The following CALD1 variants were observed in gnomAD, a reference collection of about 807,000 sequenced individuals.
CALD1 encodes caldesmon.
A neutral mutation model predicts 99.9 loss-of-function variants in CALD1; 33 were observed. That is an observed-to-expected ratio of 0.33 (90% CI 0.25 to 0.44). The LOEUF is 0.44. Ranked by LOEUF, CALD1 falls within the 20% of genes least tolerant of loss-of-function variation. CALD1 has a pLI of 1.00. For synonymous variants in CALD1, 310 were observed against 325.0 expected (o/e 0.95, Z 0.50); for missense variants, 861 against 962.1 (o/e 0.89, Z 1.39).
chr7:134,849,352 G>A (rs1207685036), intron 2 of CALD1, among the ~76,000 whole-genome samples: 1 of 152,208 alleles, frequency 6.6e-6, no homozygotes, highest in Non-Finnish European at 1.5e-5. Flanking sequence ...TTATAATGTA[G>A]TTCCAAGTAT....
chr7:134,864,347 CA>C (rs71172479), intron 2 of CALD1, among the ~76,000 whole-genome samples: 43 of 126,840 alleles, frequency 3.4e-4, no homozygotes, highest in Admixed American at 7.3e-4. Context: ...AACTCCATCT[CA>C]AAAAAAAAAA....
At chr7:134,916,808 C>T (rs1804240563) in intron 3 of CALD1, among the ~76,000 whole-genome samples, 1 of 152,198 alleles carries the variant, frequency 6.6e-6, no homozygotes, top group South Asian at 2.1e-4. Flanking sequence ...AGATTATGGA[C>T]TTTAGTATTG....
chr7:134,835,206 A>AG (rs1179010731), intron 1 of CALD1, among the ~76,000 whole-genome samples: 1 of 152,182 alleles, frequency 6.6e-6, no homozygotes, highest in East Asian at 1.9e-4. Context: ...TTGCAAGGGT[A>AG]GGACAAGGTG....
chr7:134,748,025 C>A (rs1353039836), intron 1 of CALD1, among the ~76,000 whole-genome samples: 1 of 152,244 alleles, frequency 6.6e-6, no homozygotes, highest in Admixed American at 6.5e-5. Context: ...TGAAGGCAGG[C>A]AAAGCTGCAG....
chr7:134,831,948 A>C (rs1009892145), intron 1 of CALD1, among the ~76,000 whole-genome samples: 3 of 152,212 alleles, frequency 2.0e-5, no homozygotes, highest in Middle Eastern at 3.2e-3. Context: ...GAAGACATCC[A>C]AGCAGGCACG....
Position 134,947,748 on chromosome 7 carries a change from C to T in CALD1, c.1773C>T (p.Ala591=), listed in dbSNP as rs758658636. Residue 591 remains alanine, a synonymous_variant, in exon 8 of 15, where the codon GCC becomes GCT. Transcript: ENST00000361675. Reference sequence around the variant, plus strand: ...AGCAGAGGAGGAAGCAGGAGGAAGCCGATCGAAAACTCAGAGAGGAGGTAA... The same window carrying T: ...AGCAGAGGAGGAAGCAGGAGGAAGCTGATCGAAAACTCAGAGAGGAGGTAA... ...EEEQRRKQEE[A]DRKLREEEEK... The T allele has an allele frequency of 1.2e-6, 2 of 1,613,828 alleles. No homozygotes were observed. The highest frequency in any genetic ancestry group is 1.3e-5 in the African/African-American group (1 of 75,006).
In CALD1 at chr7:134,834,206, C is replaced by T. The variant is rs117767774; in HGVS notation, c.-129-9678C>T. 1.9e-3 allele frequency among the ~76,000 whole-genome samples: 290 copies of T among 152,246 alleles called. 9 individuals are homozygous for T. In the East Asian group the frequency reaches 0.037, roughly 19 times the overall value. Reference sequence around the variant, plus strand: ...ATGTTCAAATGCTTTGAGATTAGGACGGTTGCTTGAAGTATTTATCGCTTG... The same window carrying T: ...ATGTTCAAATGCTTTGAGATTAGGATGGTTGCTTGAAGTATTTATCGCTTG... On this transcript the variant is annotated intron_variant, in intron 1 of 14. Coordinates refer to ENST00000361675, the MANE Select transcript of CALD1 (RefSeq NM_033138.4).
chr7:134,798,588 G>A (rs1797834070), intron 1 of CALD1, among the ~76,000 whole-genome samples: 2 of 152,200 alleles, frequency 1.3e-5, no homozygotes, highest in African/African-American at 2.4e-5. Context: ...CCTGAGTGAC[G>A]TTCCCCCAAA....
chr7:134,942,515 T>C (rs966565365), intron 7 of CALD1, among the ~76,000 whole-genome samples: 1 of 152,226 alleles, frequency 6.6e-6, no homozygotes, highest in Admixed American at 6.5e-5. Context: ...GTAGAATCTA[T>C]AGATATTACT....
At chr7:134,749,943 G>T (rs1296019400) in intron 1 of CALD1, among the ~76,000 whole-genome samples, 1 of 152,096 alleles carries the variant, frequency 6.6e-6, no homozygotes, top group Non-Finnish European at 1.5e-5. Context: ...CAGTAAACAG[G>T]CGCCTTCTAT....
upstream of CALD1, among the ~76,000 whole-genome samples, chr7:134,742,943 T>A (rs1336623363): frequency 6.6e-6 from 1 of 152,162 alleles, no homozygotes; most frequent in African/African-American, 2.4e-5. Flanking sequence ...ATATGGAGGC[T>A]CCTGGGAACC....
Position 134,902,286 on chromosome 7 carries a change from G to A in CALD1, c.72-26468G>A, listed in dbSNP as rs1278358231. On this transcript the variant is annotated intron_variant, in intron 3 of 14. Transcript: ENST00000361675. ...GTGTGCATGTCCATTCACCCCAAAGGAAACAGCCTTGCATCATAGACAGAG... is the reference window on the plus strand; with the variant it reads ...GTGTGCATGTCCATTCACCCCAAAGAAAACAGCCTTGCATCATAGACAGAG... Among the ~76,000 whole-genome samples the A allele has an allele frequency of 2.0e-5, 3 of 152,046 alleles. No homozygotes were observed. In the East Asian group the frequency reaches 5.8e-4, roughly 29 times the overall value.
chr7:134,758,028 G>C (rs1321171218), intron 1 of CALD1, among the ~76,000 whole-genome samples: 1 of 152,168 alleles, frequency 6.6e-6, no homozygotes, highest in African/African-American at 2.4e-5. Context: ...AGTCAAACTT[G>C]TAACCAGCTG....
At chr7:134,759,864 G>A (rs889882067) in intron 1 of CALD1, among the ~76,000 whole-genome samples, 10 of 152,208 alleles carry the variant, frequency 6.6e-5, no homozygotes, top group Non-Finnish European at 1.5e-4. Flanking sequence ...TATGTCAAGC[G>A]GCAATAAATG....
At chr7:134,790,075 G>C (rs547642702) in intron 1 of CALD1, among the ~76,000 whole-genome samples, 1 of 136,798 alleles carries the variant, frequency 7.3e-6, no homozygotes, top group Admixed American at 7.8e-5. Context: ...AAGAGAAAAA[G>C]AAATAAGGAG....
At chr7:134,757,858 G>A (rs1219341504) in intron 1 of CALD1, among the ~76,000 whole-genome samples, 1 of 151,778 alleles carries the variant, frequency 6.6e-6, no homozygotes, top group South Asian at 2.1e-4. Flanking sequence ...CAGCCTGGGC[G>A]ACAAAGCTAG....
At chr7:134,963,866 A>T (rs1305324275) in intron 13 of CALD1, among the ~76,000 whole-genome samples, 4 of 152,136 alleles carry the variant, frequency 2.6e-5, no homozygotes, top group Admixed American at 2.0e-4. Flanking sequence ...CCCTCGGGAG[A>T]CACATAATGA....
At chr7:134,918,253 C>A (rs1804357565) in intron 3 of CALD1, among the ~76,000 whole-genome samples, 1 of 152,076 alleles carries the variant, frequency 6.6e-6, no homozygotes, top group Non-Finnish European at 1.5e-5. Context: ...TATCACAAAC[C>A]ATTTCTGGAT....
chr7:134,932,991 G>A lies in CALD1; in HGVS notation c.222G>A (p.Val74=). 1 of 1,602,792 alleles carries A rather than the reference G, an allele frequency of 6.2e-7. No homozygotes were observed. The highest frequency in any genetic ancestry group is 8.5e-7 in the Non-Finnish European group (1 of 1,173,538). The change falls in exon 5 of 15, where the codon GTG becomes GTA. Residue 74 remains valine, a synonymous_variant. Transcript: ENST00000361675. ...TGTTGTTCTTTCTGTTGTACAGTGTGCCTGACGAGGAGGCCAAGACAACCA... is the reference window on the plus strand; with the variant it reads ...TGTTGTTCTTTCTGTTGTACAGTGTACCTGACGAGGAGGCCAAGACAACCA... ...DQVEVNAQNS[V]PDEEAKTTTT...
Sources: allele counts gnomAD v4.1 joint callset (sites outside exome capture counted in the v4.1 genomes callset), GRCh38; gene constraint gnomAD v4.1.1; transcripts MANE v1.5; gene names NCBI Gene and HGNC (gene_info 2026-07-23, HGNC 2026-07-21).